Variants in SMAP2 observed in about 807,000 individuals in gnomAD.
SMAP2 encodes stromal membrane-associated protein 2.
Under a neutral mutation model 56.4 loss-of-function variants are expected in SMAP2, and 25 were observed. That is an observed-to-expected ratio of 0.44 (90% confidence interval 0.32 to 0.62). The LOEUF (loss-of-function observed/expected upper bound fraction) is 0.62, where lower values mean the gene tolerates loss of function less well. Among genes scored for constraint, SMAP2 ranks in the 20% least tolerant of loss-of-function variants. SMAP2 has a pLI of 0.04. For synonymous variants in SMAP2, 157 were observed against 181.7 expected (o/e 0.86, Z 1.09); for missense variants, 388 against 545.6 (o/e 0.71, Z 2.88).
intron 1 of SMAP2, among the ~76,000 whole-genome samples, chr1:40,360,006 T>TTC (rs1217408518): frequency 7.4e-5 from 10 of 134,954 alleles, no homozygotes; most frequent in Admixed American, 5.9e-4. Flanking sequence ...TCTTCTTTCT[T>TTC]TTTTTTTTTT....
rs1031490996 is a variant in SMAP2, at chr1:40,416,782, A to G, written c.850A>G (p.Met284Val). The change falls in exon 9 of 10, where the codon ATG (methionine) becomes GTG (valine). Residue 284 changes from methionine (M) to valine (V), a missense_variant and splice_region_variant. Coordinates refer to ENST00000372718, the MANE Select transcript of SMAP2 (RefSeq NM_022733.3). ...SQTPQMPTQA[M>V]FMAPAQMAYP... Reference sequence around the variant, plus strand: ...CTGTATGTGTGTTTTCTTGGCAGCAATGTTCATGGCTCCCGCTCAGATGGC... The same window carrying G: ...CTGTATGTGTGTTTTCTTGGCAGCAGTGTTCATGGCTCCCGCTCAGATGGC... The G allele has an allele frequency of 5.0e-6, 8 of 1,593,492 alleles. No homozygotes were observed. The highest frequency in any genetic ancestry group is 6.0e-6 in the Non-Finnish European group (7 of 1,163,370).
chr1:40,349,612 G>C (rs1569812388), intron 1 of SMAP2, among the ~76,000 whole-genome samples: 1 of 152,160 alleles, frequency 6.6e-6, no homozygotes, highest in African/African-American at 2.4e-5. Flanking sequence ...TCCACCTCCT[G>C]GGTTCAAGTG....
At chr1:40,379,117 G>A (rs1644570936) in intron 1 of SMAP2, among the ~76,000 whole-genome samples, 1 of 151,254 alleles carries the variant, frequency 6.6e-6, no homozygotes, top group Non-Finnish European at 1.5e-5. Context: ...GTAGCTGGGC[G>A]CCCACCACCA....
chr1:40,352,401 T>A (rs1363290764), intron 1 of SMAP2, among the ~76,000 whole-genome samples: 1 of 152,178 alleles, frequency 6.6e-6, no homozygotes, highest in Non-Finnish European at 1.5e-5. Flanking sequence ...TTAATCTCTC[T>A]GCCTATAATG....
intron 1 of SMAP2, among the ~76,000 whole-genome samples, chr1:40,404,160 T>C (rs1430183849): frequency 6.6e-6 from 1 of 152,222 alleles, no homozygotes; most frequent in Non-Finnish European, 1.5e-5. Context: ...GCCATATAAG[T>C]AACATTTGTC....
At chr1:40,407,897 A>G (rs1644900428) in intron 2 of SMAP2, among the ~76,000 whole-genome samples, 1 of 152,200 alleles carries the variant, frequency 6.6e-6, no homozygotes, top group African/African-American at 2.4e-5. Flanking sequence ...GGCTGGCCTA[A>G]GAGCTGTACC....
Position 40,416,797 on chromosome 1 carries a change from G to A in SMAP2, c.865G>A (p.Ala289Thr), listed in dbSNP as rs34845213. The A allele has an allele frequency of 2.9e-3, 4,718 of 1,602,696 alleles. 132 individuals carry two copies. In the African/African-American group the frequency reaches 0.056, roughly 19 times the overall value. The change falls in exon 9 of 10, where the codon GCT becomes ACT. Residue 289 changes from alanine (A) to threonine (T), a missense_variant. Coordinates refer to ENST00000372718, the MANE Select transcript of SMAP2 (RefSeq NM_022733.3). ...CTTGGCAGCAATGTTCATGGCTCCC[G>A]CTCAGATGGCATATCCCACAGCCTA... ...MPTQAMFMAP[A>T]QMAYPTAYPS...
intron 6 of SMAP2, among the ~76,000 whole-genome samples, chr1:40,414,897 A>G (rs986406366): frequency 1.3e-5 from 2 of 152,104 alleles, no homozygotes; most frequent in South Asian, 4.1e-4. Flanking sequence ...GCTTCTGCTG[A>G]TTGAGGTTAT....
At chr1:40,377,400 C>T (rs748942446) in intron 1 of SMAP2, among the ~76,000 whole-genome samples, 3 of 152,114 alleles carry the variant, frequency 2.0e-5, no homozygotes, top group Non-Finnish European at 4.4e-5. Context: ...GTCCTGGGCA[C>T]GAGTCTTACC....
At chr1:40,400,533 T>C (rs937241147) in intron 1 of SMAP2, among the ~76,000 whole-genome samples, 1 of 151,930 alleles carries the variant, frequency 6.6e-6, no homozygotes, top group African/African-American at 2.4e-5. Context: ...AGAGAAGAGA[T>C]ACTGATTTGA....
intron 1 of SMAP2, among the ~76,000 whole-genome samples, chr1:40,394,204 C>T (rs904477984): frequency 1.3e-5 from 2 of 152,150 alleles, no homozygotes; most frequent in Non-Finnish European, 2.9e-5. Flanking sequence ...TCTACCATTT[C>T]CCTCAGAAGT....
At chr1:40,376,622 A>G (rs1422087501) in intron 1 of SMAP2, among the ~76,000 whole-genome samples, 2 of 152,196 alleles carry the variant, frequency 1.3e-5, no homozygotes, top group Non-Finnish European at 2.9e-5. Flanking sequence ...GATCATTTGG[A>G]CAACTATCAG....
intron 1 of SMAP2, among the ~76,000 whole-genome samples, chr1:40,387,939 A>C (rs1209535175): frequency 6.6e-6 from 1 of 151,834 alleles, no homozygotes; most frequent in Non-Finnish European, 1.5e-5. Flanking sequence ...CGGGCCCCGC[A>C]CTTGGAGCAG....
chr1:40,413,133 C>G (rs533839821), intron 5 of SMAP2, 31 bp downstream of exon 5: 3 of 1,517,996 alleles, frequency 2.0e-6, no homozygotes, highest in South Asian at 2.2e-5. Flanking sequence ...ACTGTATGGA[C>G]AGCCTCAGGT....
intron 1 of SMAP2, among the ~76,000 whole-genome samples, chr1:40,384,197 C>G (rs992900449): frequency 6.6e-6 from 1 of 152,170 alleles, no homozygotes; most frequent in Admixed American, 6.5e-5. Context: ...CCACCAAGGC[C>G]GGGCCTCAGC....
chr1:40,415,276 T>C lies in SMAP2; in HGVS notation c.576T>C (p.Ala192=), dbSNP rs1644975836. 6.2e-7 allele frequency: 1 copy of C among 1,612,124 alleles called. No individual in the cohort carries two copies. The highest frequency in any genetic ancestry group is 8.5e-7 in the Non-Finnish European group (1 of 1,178,318). The change falls in exon 7 of 10, where the codon GCT becomes GCC. Residue 192 remains alanine (A), a synonymous_variant. Transcript: ENST00000372718. Reference sequence around the variant, plus strand: ...AACTTCGATCTCTCTTTCTAGATGCTCCTGTGGCCTGCTCCATTGCAAATA... The same window carrying C: ...AACTTCGATCTCTCTTTCTAGATGCCCCTGTGGCCTGCTCCATTGCAAATA... ...APVMDLLGLD[A]PVACSIANSK... is the part of the protein sequence containing the mutation.
chr1:40,401,848 T>C (rs564681899), intron 1 of SMAP2, among the ~76,000 whole-genome samples: 1 of 152,370 alleles, frequency 6.6e-6, no homozygotes, highest in African/African-American at 2.4e-5. Flanking sequence ...ACTGAACTGG[T>C]ACTTAGGACA....
chr1:40,420,288 A>G (rs556582273), intron 9 of SMAP2, among the ~76,000 whole-genome samples: 8 of 152,274 alleles, frequency 5.3e-5, no homozygotes, highest in Admixed American at 2.6e-4. Flanking sequence ...TTTTATTTAT[A>G]TAAGTAATGG....
intron 1 of SMAP2, chr1:40,375,699 G>A (rs1644534361): frequency 3.3e-6 from 2 of 610,000 alleles, no homozygotes; most frequent in African/African-American, 4.0e-5. Flanking sequence ...TTTATTTTAG[G>A]AGTGTATCTT....
Sources: allele counts gnomAD v4.1 joint callset (sites outside exome capture counted in the v4.1 genomes callset), GRCh38; gene constraint gnomAD v4.1.1; transcripts MANE v1.5; gene names NCBI Gene and HGNC (gene_info 2026-07-23, HGNC 2026-07-21).